SUPT5H: variants seen among roughly 807,000 people sequenced by gnomAD.
SUPT5H encodes the protein SPT5 homolog, DSIF elongation factor subunit.
SUPT5H carries 24 observed loss-of-function variants against 142.5 expected under a neutral mutation model. The ratio of observed to expected loss-of-function variants is 0.17; its 90% confidence interval spans 0.12 to 0.24. SUPT5H has a LOEUF of 0.24. Ranked by LOEUF, SUPT5H falls within the 10% of genes least tolerant of loss-of-function variation. The pLI, the probability that SUPT5H is intolerant of heterozygous loss-of-function variation, is 1.00. For missense variants in SUPT5H, 893 were observed against 1,471.8 expected, an observed-to-expected ratio of 0.61 and a Z score of 6.43; for synonymous variants, 546 against 553.0, an observed-to-expected ratio of 0.99 and a Z score of 0.18.
chr19:39,474,391 A>G lies in SUPT5H; in HGVS notation c.2809A>G (p.Met937Val), dbSNP rs537648520. 3.1e-6 allele frequency: 5 copies of G among 1,613,956 alleles called. No individual in the cohort carries two copies. The highest frequency in any genetic ancestry group is 4.5e-5 in the East Asian group (2 of 44,872). Residue 937 changes from methionine (M) to valine (V), a missense_variant, in exon 27 of 30, where the codon ATG becomes GTG. Physicochemically the swap from Met to Val is conservative, Grantham distance 21. Around this residue, in one of 6 missense-constraint regions of SUPT5H, gnomAD observed 336 missense variants for 546.5 expected, o/e 0.61. Transcript: ENST00000432763. This position sits in a 1 kb window ranked among gnomAD's most constrained non-coding sequence, Gnocchi z 6.5. ...CAGCTACCACCCTACACCGTCGCCC[A>G]TGGCCTATCAGGTAATGGTCTGCCT... ...PASYHPTPSPMAYQASPSPSP... is the reference protein window; with the variant it reads ...PASYHPTPSPVAYQASPSPSP...
intron 3 of SUPT5H, among the ~76,000 whole-genome samples, chr19:39,457,099 A>G (rs540338271): frequency 3.9e-5 from 6 of 152,248 alleles, no homozygotes; most frequent in Non-Finnish European, 8.8e-5. Flanking sequence ...TACATGGACC[A>G]TGGAGCCAGA....
intron 3 of SUPT5H, among the ~76,000 whole-genome samples, chr19:39,455,026 T>TC (rs890469032): frequency 2.0e-5 from 3 of 152,218 alleles, no homozygotes; most frequent in Non-Finnish European, 4.4e-5. Flanking sequence ...ACCAAGCAGT[T>TC]CCTCTTTAGA....
Position 39,464,902 on chromosome 19 carries a change from C to T in SUPT5H, c.729C>T (p.Gly243=). 1 of 1,614,088 alleles carries T rather than the reference C, an allele frequency of 6.2e-7. No homozygotes were observed. The highest frequency in any genetic ancestry group is 8.5e-7 in the Non-Finnish European group (1 of 1,179,968). Reference sequence around the variant, plus strand: ...TGAAGCAGGCCATTGAGGGGGTGGGCAACCTGCGGCTTGGCTACTGGAACC... The same window carrying T: ...TGAAGCAGGCCATTGAGGGGGTGGGTAACCTGCGGCTTGGCTACTGGAACC... ...THVKQAIEGV[G]NLRLGYWNQQ... The change falls in exon 11 of 30, where the codon GGC becomes GGT. Residue 243 remains glycine, a synonymous_variant. Transcript: ENST00000432763.
Position 39,466,422 on chromosome 19 carries a change from G to C in SUPT5H, c.877-58G>C. 6.7e-7 allele frequency: 1 copy of C among 1,489,840 alleles called. No individual in the cohort carries two copies. The highest frequency in any genetic ancestry group is 1.4e-5 in the African/African-American group (1 of 72,534). 92.3% of individuals were successfully genotyped at this position (1,489,840 alleles called of 1,614,324 possible). On this transcript the variant is annotated intron_variant, in intron 11 of 29. Coordinates refer to ENST00000432763, the MANE Select transcript of SUPT5H (RefSeq NM_001111020.3). The surrounding 1 kb of genome is among the most constrained non-coding windows in gnomAD (Gnocchi z 4.3). ...TTCCTAGCATCTCCTGACCCTTCTT[G>C]TGTCTGGGGTCAGGGAGGAGAGTGG...
In SUPT5H at chr19:39,458,967, A is replaced by G. The variant is rs762364436; in HGVS notation, c.390-38A>G. On this transcript the variant is annotated intron_variant, in intron 6 of 29. Transcript: ENST00000432763. This position sits in a 1 kb window ranked among gnomAD's most constrained non-coding sequence, Gnocchi z 4.2. ...TAGGTCAGCCCACCTGCTGTCCTCA[A>G]CCTTCAATTCGTGTTTGCTTCCCCA... 23 of 1,613,950 alleles carry G rather than the reference A, an allele frequency of 1.4e-5. No homozygotes were observed. The highest frequency in any genetic ancestry group is 1.9e-5 in the Non-Finnish European group (23 of 1,179,988).
intron 10 of SUPT5H, among the ~76,000 whole-genome samples, chr19:39,464,036 T>C (rs1234690788): frequency 1.3e-5 from 2 of 149,596 alleles, no homozygotes; most frequent in African/African-American, 2.5e-5. Flanking sequence ...CAGACTGGAG[T>C]GCAATGGTGC....
In SUPT5H at chr19:39,449,050, A is replaced by G. The variant is rs2078987893; in HGVS notation, c.75+3085A>G. 2.7e-5 allele frequency among the ~76,000 whole-genome samples: 4 copies of G among 146,914 alleles called. 1 individual carries two copies. Among genetic ancestry groups the G allele is most frequent in the Admixed American group, 2.7e-4 (4 of 14,714 alleles). ...GCTTGCAGTGAGCAGAGATCGCACCATTGCACTCCAGCCTGGGAGACAGAG... is the reference window on the plus strand; with the variant it reads ...GCTTGCAGTGAGCAGAGATCGCACCGTTGCACTCCAGCCTGGGAGACAGAG... On this transcript the variant is annotated intron_variant, in intron 2 of 29. Coordinates refer to ENST00000432763, the MANE Select transcript of SUPT5H (RefSeq NM_001111020.3).
chr19:39,473,900 T>C lies in SUPT5H; in HGVS notation c.2493-63T>C. ...CAGTTGGGGGTCTGGTGTAGGGTGC[T>C]GTTCTGGAAGCATCCATCGCATTAT... On this transcript the variant is annotated intron_variant, in intron 25 of 29. Coordinates refer to ENST00000432763, the MANE Select transcript of SUPT5H (RefSeq NM_001111020.3). This position sits in a 1 kb window ranked among gnomAD's most constrained non-coding sequence, Gnocchi z 5.8. 2.5e-6 allele frequency: 4 copies of C among 1,608,176 alleles called. No individual in the cohort carries two copies. The Admixed American group carries it at 5.0e-5, about 20-fold the overall frequency.
At position 39,448,410 on chromosome 19, in the gene SUPT5H, T is replaced by C. The variant is rs149153056; in HGVS notation, c.75+2445T>C. On this transcript the variant is annotated intron_variant, in intron 2 of 29. Coordinates refer to ENST00000432763, the MANE Select transcript of SUPT5H (RefSeq NM_001111020.3). ...TTTTCTCTAAGCTGTAGCACTGGAT[T>C]CTTGGTCTCTGATTCATGGCTTGGA... 1.5e-3 allele frequency among the ~76,000 whole-genome samples: 222 copies of C among 152,208 alleles called. 2 individuals are homozygous for C. Among genetic ancestry groups the C allele is most frequent in the African/African-American group, 5.2e-3 (217 of 41,530 alleles).
In SUPT5H at chr19:39,458,437, A is replaced by G; in HGVS notation, c.319+132A>G. ...TGGCCCTGAGGGCTCTGACCCATGTAGGATCCAGAGTCAGGGAGTTCTGGG... is the reference window on the plus strand; with the variant it reads ...TGGCCCTGAGGGCTCTGACCCATGTGGGATCCAGAGTCAGGGAGTTCTGGG... On this transcript the variant is annotated intron_variant, in intron 5 of 29. Coordinates refer to ENST00000432763, the MANE Select transcript of SUPT5H (RefSeq NM_001111020.3). The surrounding 1 kb of genome is among the most constrained non-coding windows in gnomAD (Gnocchi z 4.2). The G allele has an allele frequency of 6.7e-7, 1 of 1,491,584 alleles. No homozygotes were observed. The highest frequency in any genetic ancestry group is 9.0e-7 in the Non-Finnish European group (1 of 1,106,634). The allele number at this position is 1,491,584 out of a possible 1,614,324, so 92.4% of individuals were successfully genotyped here.
intron 2 of SUPT5H, 114 bp downstream of exon 2, chr19:39,446,079 C>T (rs1192468565): frequency 8.7e-7 from 1 of 1,151,482 alleles, no homozygotes; most frequent in Non-Finnish European, 1.2e-6. Context: ...CTGGGAACTC[C>T]CAGATTGTCT....
rs185334347 is a variant in SUPT5H, at chr19:39,461,729, C to T, written c.624+1769C>T. Among the ~76,000 whole-genome samples the T allele has an allele frequency of 4.3e-3, 651 of 149,726 alleles. 5 individuals carry two copies. The highest frequency in any genetic ancestry group is 0.015 in the African/African-American group (597 of 40,680). On this transcript the variant is annotated intron_variant, in intron 10 of 29. Transcript: ENST00000432763. ...ATCCCAGCTACTTGGGAGGCTGAGA[C>T]AGGAGAATTGCTTGAACCCAGGAGT...
chr19:39,453,412 C>T lies in SUPT5H; in HGVS notation c.132C>T (p.Asp44=), dbSNP rs1568419723. 5 of 1,590,928 alleles carry T rather than the reference C, an allele frequency of 3.1e-6. No individual in the cohort carries two copies. The highest frequency in any genetic ancestry group is 4.3e-6 in the Non-Finnish European group (5 of 1,168,248). The stretch of plus-strand genomic sequence containing the variant: ...GTGAGAAAGAAGAAGAGCCTGAGGA[C>T]GAAGAGGAGGAGGAAGAGGAGGAGG... The part of the protein sequence containing the change: ...AGSEKEEEPE[D]EEEEEEEEEY... The change falls in exon 3 of 30, where the codon GAC becomes GAT. Residue 44 remains aspartate (D), a synonymous_variant. Coordinates refer to ENST00000432763, the MANE Select transcript of SUPT5H (RefSeq NM_001111020.3).
chr19:39,460,253 TCACCAGCCCTGTTGGGCTGG>T, intron 10 of SUPT5H: 1 of 404,992 alleles, frequency 2.5e-6, no homozygotes, highest in Non-Finnish European at 4.6e-6. Context: ...GTTTGCCTGT[TCACCAGCCCTGTTGGGCTGG>T]GGTCACCCAC....
Position 39,471,350 on chromosome 19 carries a change from T to G in SUPT5H, c.1678-7T>G. 2 of 1,614,136 alleles carry G rather than the reference T, an allele frequency of 1.2e-6. No individual in the cohort carries two copies. The highest frequency in any genetic ancestry group is 1.1e-5 in the South Asian group (1 of 91,086). On this transcript the variant is annotated splice_polypyrimidine_tract_variant and splice_region_variant and intron_variant, in intron 18 of 29. Transcript: ENST00000432763. ...ACCCCCACAGCCTCCCTGCTCTCCC[T>G]CTGTAGGTGCTGAACATGTACGGGA... is the stretch of plus-strand genomic sequence containing the variant.
chr19:39,460,064 C>T, intron 10 of SUPT5H, 104 bp downstream of exon 10: 2 of 1,207,098 alleles, frequency 1.7e-6, no homozygotes, highest in Non-Finnish European at 2.4e-6. Context: ...GTGAGCAGAG[C>T]TGCCTGCTGA....
intron 2 of SUPT5H, among the ~76,000 whole-genome samples, chr19:39,450,019 C>T: frequency 6.6e-6 from 1 of 151,530 alleles, no homozygotes; most frequent in Admixed American, 6.6e-5. Context: ...CTCACTGCAG[C>T]CTCAGCCTCC....
At position 39,458,780 on chromosome 19, in the gene SUPT5H, C is replaced by G. The variant is rs756097660; in HGVS notation, c.320-38C>G. The G allele has an allele frequency of 1.3e-6, 2 of 1,580,414 alleles. No individual in the cohort carries two copies. The highest frequency in any genetic ancestry group is 1.7e-6 in the Non-Finnish European group (2 of 1,158,824). ...ATTTTCTCCAGGCCCCTGCCCTCCA[C>G]CTGCCCTTGCTCACGCCCTCTGCCC... On this transcript the variant is annotated intron_variant, in intron 5 of 29. Transcript: ENST00000432763. This position sits in a 1 kb window ranked among gnomAD's most constrained non-coding sequence, Gnocchi z 4.2.
At chr19:39,465,428 AG>A (rs2146109652) in intron 11 of SUPT5H, among the ~76,000 whole-genome samples, 1 of 152,344 alleles carries the variant, frequency 6.6e-6, no homozygotes, top group Non-Finnish European at 1.5e-5. Flanking sequence ...TTACTGGCGT[AG>A]GATGGGAGGG....
Sources: gnomAD v4.1 joint callset for allele counts (sites outside exome capture counted in the v4.1 genomes callset) on GRCh38, gnomAD v4.1.1 for gene constraint, gnomAD v4.1.1 regional missense constraint, Gnocchi (gnomAD v3.1) non-coding constraint, MANE v1.5 for transcripts, NCBI Gene and HGNC (gene_info 2026-07-23, HGNC 2026-07-21) for gene names.